Variants in CAMKMT observed in about 807,000 individuals in gnomAD.
CAMKMT encodes the protein calmodulin-lysine N-methyltransferase, also known as CaM KMT.
CAMKMT carries 53 observed loss-of-function variants against 48.0 expected under a neutral mutation model. The ratio of observed to expected loss-of-function variants is 1.10; its 90% confidence interval spans 0.89 to 1.39. The LOEUF (loss-of-function observed/expected upper bound fraction) is 1.39. CAMKMT is among the 40% of genes most tolerant of loss of function. The pLI is 0.00. For synonymous variants in CAMKMT, 165 were observed against 152.3 expected (o/e 1.08, Z -0.61); for missense variants, 428 against 402.7 (o/e 1.06, Z -0.54).
chr2:44,381,822 C>T (rs965358310), intron 2 of CAMKMT, among the ~76,000 whole-genome samples: 5 of 151,954 alleles, frequency 3.3e-5, no homozygotes, highest in Non-Finnish European at 1.5e-5. Flanking sequence ...CATGTTATCT[C>T]TCCATGTTAG....
intron 3 of CAMKMT, among the ~76,000 whole-genome samples, chr2:44,458,796 C>A (rs889070375): frequency 1.3e-5 from 2 of 152,128 alleles, no homozygotes; most frequent in Non-Finnish European, 2.9e-5. Context: ...ATACTTGATA[C>A]ATTAAATTGT....
At chr2:44,422,774 C>A (rs1177351477) in intron 3 of CAMKMT, among the ~76,000 whole-genome samples, 1 of 151,850 alleles carries the variant, frequency 6.6e-6, no homozygotes, top group Non-Finnish European at 1.5e-5. Flanking sequence ...GTGTTTTACT[C>A]TCACAAAGTT....
chr2:44,570,123 A>G (rs1016372849), intron 3 of CAMKMT, among the ~76,000 whole-genome samples: 3 of 152,186 alleles, frequency 2.0e-5, no homozygotes, highest in Non-Finnish European at 4.4e-5. Flanking sequence ...TCCATCTTAT[A>G]AGTAATGTTT....
At position 44,405,197 on chromosome 2, in the gene CAMKMT, G is replaced by C. The variant is rs1187986617; in HGVS notation, c.376+14892G>C. On this transcript the variant is annotated intron_variant, in intron 3 of 10. Coordinates refer to ENST00000378494, the MANE Select transcript of CAMKMT (RefSeq NM_024766.5). ...CTTTTGACCCAATAATCCCACTTTT[G>C]GGTGTCAGTCCTCTAGCTCATAAAG... 2.6e-5 allele frequency among the ~76,000 whole-genome samples: 4 copies of C among 151,992 alleles called. No individual in the cohort carries two copies. In the South Asian group the frequency reaches 8.3e-4, roughly 31 times the overall value.
At chr2:44,420,279 T>C (rs181553686) in intron 3 of CAMKMT, among the ~76,000 whole-genome samples, 3 of 152,290 alleles carry the variant, frequency 2.0e-5, no homozygotes, top group Admixed American at 1.3e-4. Flanking sequence ...TCAGACTGTT[T>C]TCTAATTAAT....
At chr2:44,508,899 C>T (rs1001309193) in intron 3 of CAMKMT, among the ~76,000 whole-genome samples, 1 of 151,950 alleles carries the variant, frequency 6.6e-6, no homozygotes, top group African/African-American at 2.4e-5. Flanking sequence ...AGTTCGAGAC[C>T]AGCCTGACCA....
chr2:44,413,936 T>C (rs1264072753), intron 3 of CAMKMT, among the ~76,000 whole-genome samples: 1 of 152,234 alleles, frequency 6.6e-6, no homozygotes, highest in Non-Finnish European at 1.5e-5. Flanking sequence ...TTATCCTTGT[T>C]TGAGAACTCA....
chr2:44,766,630 TG>T (rs1289021274), intron 10 of CAMKMT, 69 bp downstream of exon 10: 1 of 1,556,944 alleles, frequency 6.4e-7, no homozygotes, highest in Non-Finnish European at 8.7e-7. Context: ...ATGGTCTTTT[TG>T]GCAGGTAACC....
At chr2:44,684,296 T>G (rs1278776038) in intron 3 of CAMKMT, among the ~76,000 whole-genome samples, 1 of 152,206 alleles carries the variant, frequency 6.6e-6, no homozygotes, top group Admixed American at 6.5e-5. Flanking sequence ...GTGAAAGGGC[T>G]GATAACAATA....
At chr2:44,583,940 A>G (rs1572854080) in intron 3 of CAMKMT, among the ~76,000 whole-genome samples, 1 of 152,238 alleles carries the variant, frequency 6.6e-6, no homozygotes, top group Admixed American at 6.5e-5. Context: ...GTATATATGT[A>G]TGTATAAGCA....
intron 3 of CAMKMT, among the ~76,000 whole-genome samples, chr2:44,446,706 A>G (rs1283142345): frequency 1.3e-5 from 2 of 152,146 alleles, no homozygotes; most frequent in Non-Finnish European, 2.9e-5. Context: ...CCTCCATCTC[A>G]GTCTTCCACC....
chr2:44,634,406 G>C (rs1430942018), intron 3 of CAMKMT, among the ~76,000 whole-genome samples: 1 of 151,874 alleles, frequency 6.6e-6, no homozygotes, highest in East Asian at 1.9e-4. Flanking sequence ...GAAAACAATG[G>C]TTCGATATAT....
chr2:44,585,172 T>A (rs1477148266), intron 3 of CAMKMT, among the ~76,000 whole-genome samples: 1 of 152,180 alleles, frequency 6.6e-6, no homozygotes, highest in Non-Finnish European at 1.5e-5. Flanking sequence ...TTTTGATACC[T>A]TTAAAGATTC....
chr2:44,562,953 T>C (rs1378360183), intron 3 of CAMKMT, among the ~76,000 whole-genome samples: 1 of 152,218 alleles, frequency 6.6e-6, no homozygotes, highest in African/African-American at 2.4e-5. Context: ...TGGTAAGATA[T>C]GGAGAAAATG....
At chr2:44,715,736 T>A (rs1475238974) in intron 7 of CAMKMT, among the ~76,000 whole-genome samples, 1 of 152,180 alleles carries the variant, frequency 6.6e-6, no homozygotes, top group Non-Finnish European at 1.5e-5. Context: ...TGGAGATATT[T>A]TTTTTTGTTG....
chr2:44,652,999 CCAAACCTTTTCTATTACCTCTAT>C (rs1284758731), intron 3 of CAMKMT, among the ~76,000 whole-genome samples: 1 of 152,172 alleles, frequency 6.6e-6, no homozygotes, highest in African/African-American at 2.4e-5. Flanking sequence ...TCCATTTCTG[CCAAACCTTTTCTATTACCTCTAT>C]CAACCCTCCC....
chr2:44,572,761 A>G (rs1330041568), intron 3 of CAMKMT, among the ~76,000 whole-genome samples: 1 of 151,722 alleles, frequency 6.6e-6, no homozygotes, highest in East Asian at 1.9e-4. Flanking sequence ...ACACATGTCT[A>G]CTGGAGTCCC....
rs568861131 is a variant in CAMKMT, at chr2:44,683,772, G to A, written c.377-20511G>A. Among the ~76,000 whole-genome samples the A allele has an allele frequency of 1.1e-4, 14 of 122,786 alleles. No homozygotes were observed. The East Asian group carries it at 2.2e-3, about 20-fold the overall frequency. The allele number at this position is 122,786 out of a possible 152,430, so 80.6% of individuals were successfully genotyped here. ...CAGGAGGCAGAGCTTGCAGTGAGCC[G>A]AGATCGCGCCACTGCACACCAGCCT... On this transcript the variant is annotated intron_variant, in intron 3 of 10. Coordinates refer to ENST00000378494, the MANE Select transcript of CAMKMT (RefSeq NM_024766.5).
At chr2:44,489,399 G>C (rs1208684504) in intron 3 of CAMKMT, among the ~76,000 whole-genome samples, 1 of 151,740 alleles carries the variant, frequency 6.6e-6, no homozygotes, top group Admixed American at 6.6e-5. Flanking sequence ...GCACCCGCCA[G>C]CATGCCCAGC....
Sources: gnomAD v4.1 joint callset for allele counts (sites outside exome capture counted in the v4.1 genomes callset) on GRCh38, gnomAD v4.1.1 for gene constraint, MANE v1.5 for transcripts, NCBI Gene and HGNC (gene_info 2026-07-23, HGNC 2026-07-21) for gene names.